UGT1A7: variants seen among roughly 807,000 people sequenced by gnomAD.
The protein encoded by UGT1A7 is UDP-glucuronosyltransferase 1A7.
UGT1A7 carries 33 observed loss-of-function variants against 45.6 expected under a neutral mutation model. The ratio of observed to expected loss-of-function variants is 0.72; its 90% CI spans 0.55 to 0.97. UGT1A7 has a LOEUF of 0.97. UGT1A7 is among the 50% of genes least tolerant of loss of function. UGT1A7 has a pLI of 0.00. For synonymous variants in UGT1A7, 274 were observed against 250.6 expected (o/e 1.09, Z -0.88); for missense variants, 684 against 666.2 (o/e 1.03, Z -0.29).
chr2:233,768,209 T>C lies in UGT1A7; in HGVS notation c.1076-11T>C, dbSNP rs765320155. 1 of 1,614,150 alleles carries C rather than the reference T, an allele frequency of 6.2e-7. No individual in the cohort carries two copies. Among genetic ancestry groups the C allele is most frequent in the Admixed American group, 1.7e-5 (1 of 60,012 alleles). On this transcript the variant is annotated splice_polypyrimidine_tract_variant and intron_variant, in intron 3 of 4. Transcript: ENST00000373426. ...TGTAACTGCTGACATCCTCCCTATT[T>C]TGCATCTCAGGTCACCCGATGACCC...
chr2:233,772,325 C>A lies in UGT1A7; in HGVS notation c.1359C>A (p.Asp453Glu). 6.2e-7 allele frequency: 1 copy of A among 1,614,136 alleles called. No homozygotes were observed. Among genetic ancestry groups the A allele is most frequent in the Non-Finnish European group, 8.5e-7 (1 of 1,180,020 alleles). ...AGGACCGCCCGGTGGAGCCGCTGGACCTGGCCGTGTTCTGGGTGGAGTTTG... is the reference window on the plus strand; with the variant it reads ...AGGACCGCCCGGTGGAGCCGCTGGAACTGGCCGTGTTCTGGGTGGAGTTTG... ...LHKDRPVEPL[D>E]LAVFWVEFVM... is the part of the protein sequence containing the mutation. Residue 453 changes from aspartate (D) to glutamate (E), a missense_variant, in exon 5 of 5, where the codon GAC (aspartate) becomes GAA (glutamate). Coordinates refer to ENST00000373426, the MANE Select transcript of UGT1A7 (RefSeq NM_019077.3).
rs367754114 is a variant in UGT1A7 at position 233,752,975 on chromosome 2, T to G, written c.856-14059T>G. On this transcript the variant is annotated intron_variant, in intron 1 of 4. Coordinates refer to ENST00000373426, the MANE Select transcript of UGT1A7 (RefSeq NM_019077.3). ...AATGGGATTTATGTAACCAATTGTG[T>G]AGATACAAACCCACTCATTCTATCC... Among the ~76,000 whole-genome samples, 45 of 152,332 alleles carry G rather than the reference T, an allele frequency of 3.0e-4. 2 individuals carry two copies. In the East Asian group the frequency reaches 7.1e-3, roughly 24 times the overall value.
chr2:233,699,343 G>A (rs2075499998), intron 1 of UGT1A7, among the ~76,000 whole-genome samples: 2 of 152,144 alleles, frequency 1.3e-5, no homozygotes. Flanking sequence ...CCACCCTAGG[G>A]CTAACCTCTT....
chr2:233,688,149 G>A (rs975750928), intron 1 of UGT1A7, among the ~76,000 whole-genome samples: 1 of 152,048 alleles, frequency 6.6e-6, no homozygotes. Flanking sequence ...GTATGGATTT[G>A]CCTATTCTGG....
intron 1 of UGT1A7, among the ~76,000 whole-genome samples, chr2:233,709,126 C>T (rs1018411763): frequency 5.3e-5 from 8 of 152,124 alleles, no homozygotes; most frequent in Non-Finnish European, 1.2e-4. Context: ...ATCATGGTGG[C>T]CAAGGGGATG....
chr2:233,682,668 T>C lies in UGT1A7; in HGVS notation c.731T>C (p.Leu244Pro), dbSNP rs1489706860. ...CAAACCCCTGTCACGGCATATGATC[T>C]CTACAGCCACACATCAATTTGGTTG... ...ILQTPVTAYD[L>P]YSHTSIWLLR... is the part of the protein sequence containing the mutation. The change falls in exon 1 of 5, where the codon CTC becomes CCC. Residue 244 changes from leucine to proline, a missense_variant. By Grantham distance (98) the Leu-to-Pro change is moderately conservative. Transcript: ENST00000373426. 4 of 1,613,820 alleles carry C rather than the reference T, an allele frequency of 2.5e-6. No homozygotes were observed. Among genetic ancestry groups the C allele is most frequent in the Non-Finnish European group, 2.5e-6 (3 of 1,179,828 alleles).
chr2:233,754,909 T>C (rs754885290), intron 1 of UGT1A7: 1 of 1,353,004 alleles, frequency 7.4e-7, no homozygotes, highest in Non-Finnish European at 9.9e-7. Flanking sequence ...CCCAAAATAT[T>C]CTCCAGCGGG....
chr2:233,718,363 A>G (rs2076649552), intron 1 of UGT1A7, among the ~76,000 whole-genome samples: 1 of 152,246 alleles, frequency 6.6e-6, no homozygotes, highest in Non-Finnish European at 1.5e-5. Flanking sequence ...TGTGTTATTC[A>G]CATATGAGAA....
chr2:233,717,734 G>A lies in UGT1A7; in HGVS notation c.855+34942G>A, dbSNP rs563372947. The stretch of plus-strand genomic sequence containing the variant: ...CCTCATGGGCATGAGACCATTGTGA[G>A]TGCTCAGGGTCTCCCCCTAGAAAGG... On this transcript the variant is annotated intron_variant, in intron 1 of 4. Transcript: ENST00000373426. 8.8e-6 allele frequency: 4 copies of A among 456,274 alleles called. No homozygotes were observed. The East Asian group carries it at 2.1e-4, about 24-fold the overall frequency. 28.3% of individuals were successfully genotyped at this position (456,274 alleles called of 1,614,324 possible). A position where few individuals can be genotyped will look rare whatever the true frequency, so the allele number is the denominator to read the frequency against.
chr2:233,714,820 C>T (rs543886758), intron 1 of UGT1A7, among the ~76,000 whole-genome samples: 1 of 152,254 alleles, frequency 6.6e-6, no homozygotes, highest in Admixed American at 6.5e-5. Context: ...TAGTTAGTGA[C>T]AACAATATGG....
At chr2:233,729,950 T>C (rs1336852527) in intron 1 of UGT1A7, 2 of 1,613,962 alleles carry the variant, frequency 1.2e-6, no homozygotes, top group Non-Finnish European at 1.7e-6. Context: ...AACATGGTCT[T>C]CATTGGGGGC....
At chr2:233,744,380 A>G (rs1168834333) in intron 1 of UGT1A7, among the ~76,000 whole-genome samples, 1 of 151,890 alleles carries the variant, frequency 6.6e-6, no homozygotes, top group Non-Finnish European at 1.5e-5. Context: ...GCAGTTCTCC[A>G]ACGTTCCAGC....
chr2:233,722,730 C>T (rs1168734354), intron 1 of UGT1A7, among the ~76,000 whole-genome samples: 1 of 151,932 alleles, frequency 6.6e-6, no homozygotes, highest in Non-Finnish European at 1.5e-5. Flanking sequence ...TTAAATTTCT[C>T]CTTTGATGCA....
chr2:233,737,646 G>T (rs1166167912), intron 1 of UGT1A7, among the ~76,000 whole-genome samples: 1 of 152,194 alleles, frequency 6.6e-6, no homozygotes, highest in African/African-American at 2.4e-5. Flanking sequence ...CGTCGATCAT[G>T]CTGGGAGCTG....
intron 1 of UGT1A7, among the ~76,000 whole-genome samples, chr2:233,766,608 C>T (rs2126027033): frequency 6.6e-6 from 1 of 152,314 alleles, no homozygotes; most frequent in South Asian, 2.1e-4. Context: ...ACCACACCCT[C>T]TTCTACCCAG....
chr2:233,732,815 A>G (rs1359476181), intron 1 of UGT1A7, among the ~76,000 whole-genome samples: 2 of 140,410 alleles, frequency 1.4e-5, no homozygotes, highest in African/African-American at 5.5e-5. Context: ...TTGATTCCAT[A>G]TGAACTTTAA....
Position 233,682,400 on chromosome 2 carries a change from T to A in UGT1A7, c.463T>A (p.Leu155Ile). Reference sequence around the variant, plus strand: ...TCTCGATCCTTTTGATGCCTGTGGCTTAATTGTTGCCAAATATTTCTCCCT... The same window carrying A: ...TCTCGATCCTTTTGATGCCTGTGGCATAATTGTTGCCAAATATTTCTCCCT... ...VFLDPFDACG[L>I]IVAKYFSLPS... The change falls in exon 1 of 5, where the codon TTA becomes ATA. Residue 155 changes from leucine (L) to isoleucine (I), a missense_variant. Leu to Ile is a conservative substitution (Grantham distance 5, BLOSUM62 2). Transcript: ENST00000373426. 1 of 1,614,010 alleles carries A rather than the reference T, an allele frequency of 6.2e-7. No homozygotes were observed. The highest frequency in any genetic ancestry group is 8.5e-7 in the Non-Finnish European group (1 of 1,179,890).
chr2:233,741,163 A>G (rs1015106485), intron 1 of UGT1A7, among the ~76,000 whole-genome samples: 3 of 151,960 alleles, frequency 2.0e-5, no homozygotes, highest in Non-Finnish European at 2.9e-5. Flanking sequence ...AATCCAGGAT[A>G]TATCAAAACT....
At chr2:233,700,822 T>C (rs536912731) in intron 1 of UGT1A7, among the ~76,000 whole-genome samples, 7 of 152,144 alleles carry the variant, frequency 4.6e-5, no homozygotes, top group South Asian at 2.1e-4. Flanking sequence ...GCTGCACCCA[T>C]TAACTCGTCA....
Sources: gnomAD v4.1 joint callset for allele counts (sites outside exome capture counted in the v4.1 genomes callset) on GRCh38, gnomAD v4.1.1 for gene constraint, MANE v1.5 for transcripts, NCBI Gene and HGNC (gene_info 2026-07-23, HGNC 2026-07-21) for gene names.